PHF2: variants seen among roughly 807,000 people sequenced by gnomAD.
PHF2 encodes PHD finger protein 2.
Under a neutral mutation model 120.5 loss-of-function variants are expected in PHF2, and 27 were observed. That is an observed-to-expected ratio of 0.22 (90% CI 0.17 to 0.31). The LOEUF is 0.31. Ranked by LOEUF, PHF2 falls within the 10% of genes least tolerant of loss-of-function variation. PHF2 has a pLI of 1.00. For synonymous variants in PHF2, 568 were observed against 592.5 expected, an observed-to-expected ratio of 0.96 and a Z score of 0.60; for missense variants, 1,024 against 1,434.8, an observed-to-expected ratio of 0.71 and a Z score of 4.63.
chr9:93,580,776 A>G (rs1862916983), intron 1 of PHF2, among the ~76,000 whole-genome samples: 3 of 152,152 alleles, frequency 2.0e-5, no homozygotes. Flanking sequence ...TGTATTCTGT[A>G]CGGAGTTCAG....
At chr9:93,641,153 T>A (rs1211783892) in intron 3 of PHF2, among the ~76,000 whole-genome samples, 3 of 152,200 alleles carry the variant, frequency 2.0e-5, no homozygotes, top group African/African-American at 7.2e-5. Context: ...TCTCTCCTTA[T>A]CTGAGACAGG....
At chr9:93,642,411 T>C (rs13440078) in intron 3 of PHF2, among the ~76,000 whole-genome samples, 25,811 of 152,262 alleles carry the variant, frequency 0.17, 2,310 homozygotes, top group African/African-American at 0.23. Context: ...TTCCTTCTTA[T>C]AGAATTATAT....
intron 3 of PHF2, among the ~76,000 whole-genome samples, chr9:93,641,446 C>T (rs879642647): frequency 1.3e-5 from 2 of 152,190 alleles, no homozygotes; most frequent in Non-Finnish European, 2.9e-5. Flanking sequence ...TTTCTGTCTC[C>T]TCAGATTTTG....
intron 5 of PHF2, among the ~76,000 whole-genome samples, chr9:93,652,957 G>A (rs1330341337): frequency 6.6e-6 from 1 of 152,182 alleles, no homozygotes; most frequent in Non-Finnish European, 1.5e-5. Flanking sequence ...TGGGGGTGGA[G>A]GCCAGCGTCA....
intron 1 of PHF2, among the ~76,000 whole-genome samples, chr9:93,592,692 G>A (rs1467690534): frequency 2.6e-5 from 4 of 152,146 alleles, no homozygotes; most frequent in Admixed American, 2.6e-4. Context: ...TATCTGAGCT[G>A]ATGTCTGCCA....
At chr9:93,594,533 A>G (rs780219629) in intron 1 of PHF2, among the ~76,000 whole-genome samples, 2 of 152,246 alleles carry the variant, frequency 1.3e-5, no homozygotes, top group East Asian at 1.9e-4. Context: ...CCAAGGGTCT[A>G]CTGCAAGTGG....
At chr9:93,621,496 AAGG>A (rs1825825649) in intron 1 of PHF2, among the ~76,000 whole-genome samples, 2 of 152,178 alleles carry the variant, frequency 1.3e-5, no homozygotes, top group Admixed American at 1.3e-4. Context: ...GTGGTGCTGG[AAGG>A]AGGAAGCCCA....
At chr9:93,623,970 C>G (rs543688667) in intron 1 of PHF2, among the ~76,000 whole-genome samples, 1 of 152,312 alleles carries the variant, frequency 6.6e-6, no homozygotes, top group East Asian at 1.9e-4. Flanking sequence ...AACGAGTGTT[C>G]ACTCCGGGCC....
chr9:93,602,561 G>A (rs1195493359), intron 1 of PHF2, among the ~76,000 whole-genome samples: 1 of 151,970 alleles, frequency 6.6e-6, no homozygotes, highest in Non-Finnish European at 1.5e-5. Context: ...CCTCCTAGAG[G>A]TTCTTGTTTA....
intron 1 of PHF2, among the ~76,000 whole-genome samples, chr9:93,603,618 C>T (rs1282925072): frequency 2.0e-5 from 3 of 152,142 alleles, no homozygotes; most frequent in Admixed American, 6.5e-5. Flanking sequence ...CTGGGACACC[C>T]GTCATCTGCA....
At chr9:93,665,635 G>A (rs763023274) in intron 14 of PHF2, 51 bp from the exon 15 acceptor site, 5 of 1,588,146 alleles carry the variant, frequency 3.1e-6, no homozygotes, top group East Asian at 2.2e-5. Context: ...CTACCTGTCC[G>A]CTGGCTGTGG....
At chr9:93,596,861 C>T (rs1298772468) in intron 1 of PHF2, among the ~76,000 whole-genome samples, 2 of 151,150 alleles carry the variant, frequency 1.3e-5, no homozygotes, top group African/African-American at 2.4e-5. Context: ...TGGGTTCAAG[C>T]GATTCTCCTG....
chr9:93,584,641 G>T (rs1863001656), intron 1 of PHF2, among the ~76,000 whole-genome samples: 1 of 152,176 alleles, frequency 6.6e-6, no homozygotes, highest in Non-Finnish European at 1.5e-5. Flanking sequence ...TTTGATTACT[G>T]CAAAGTTGTA....
In PHF2 at chr9:93,641,195, C is replaced by G. The variant is rs141717956; in HGVS notation, c.300-4434C>G. On this transcript the variant is annotated intron_variant, in intron 3 of 21. Coordinates refer to ENST00000359246, the MANE Select transcript of PHF2 (RefSeq NM_005392.4). ...AGTGGGGGCTGGAGGTCGCCAAATGCTTTCCCCATGTCCAGTAGAGTCTGA... is the reference window on the plus strand; with the variant it reads ...AGTGGGGGCTGGAGGTCGCCAAATGGTTTCCCCATGTCCAGTAGAGTCTGA... Among the ~76,000 whole-genome samples, 25 of 152,302 alleles carry G rather than the reference C, an allele frequency of 1.6e-4. No individual in the cohort carries two copies. In the East Asian group the frequency reaches 4.8e-3, roughly 29 times the overall value.
intron 1 of PHF2, among the ~76,000 whole-genome samples, chr9:93,599,407 AGCCCAAGAAGTG>A (rs1414141433): frequency 2.6e-5 from 4 of 152,188 alleles, no homozygotes; most frequent in African/African-American, 9.7e-5. Flanking sequence ...TGCTCCAGCA[AGCCCAAGAAGTG>A]GGACCCCATT....
intron 1 of PHF2, among the ~76,000 whole-genome samples, chr9:93,605,934 A>G (rs991247606): frequency 4.6e-5 from 7 of 152,022 alleles, no homozygotes; most frequent in Admixed American, 3.9e-4. Context: ...AAGGAGTATA[A>G]TGATTGCTGG....
chr9:93,609,370 C>T (rs1825596833), intron 1 of PHF2, among the ~76,000 whole-genome samples: 1 of 152,096 alleles, frequency 6.6e-6, no homozygotes, highest in African/African-American at 2.4e-5. Context: ...TAATACTCTC[C>T]CTTTCTTTCT....
chr9:93,609,725 T>C (rs1825603349), intron 1 of PHF2, among the ~76,000 whole-genome samples: 1 of 152,130 alleles, frequency 6.6e-6, no homozygotes, highest in South Asian at 2.1e-4. Context: ...TTTTTCGAGA[T>C]GGAGTCTTGC....
At chr9:93,670,474 G>A (rs1271854012) in intron 17 of PHF2, among the ~76,000 whole-genome samples, 1 of 152,244 alleles carries the variant, frequency 6.6e-6, no homozygotes, top group Non-Finnish European at 1.5e-5. Context: ...TCTGGGTGGG[G>A]CCTGGGCCTT....
Sources: gnomAD v4.1 joint callset for allele counts (sites outside exome capture counted in the v4.1 genomes callset) on GRCh38, gnomAD v4.1.1 for gene constraint, MANE v1.5 for transcripts, NCBI Gene and HGNC (gene_info 2026-07-23, HGNC 2026-07-21) for gene names.